The following TNR variants were observed in gnomAD, a reference collection of about 807,000 sequenced individuals.
TNR encodes the protein tenascin R.
TNR carries 45 observed loss-of-function variants against 150.4 expected under a neutral mutation model. That is an observed-to-expected ratio of 0.30 (90% CI 0.24 to 0.38). TNR has a LOEUF of 0.38. Among genes scored for constraint, TNR ranks in the 10% least tolerant of loss-of-function variants. TNR has a pLI of 1.00. For synonymous variants in TNR, 687 were observed against 678.4 expected (o/e 1.01, Z -0.20); for missense variants, 1,544 against 1,759.1 (o/e 0.88, Z 2.19).
chr1:175,567,703 C>T (rs1190490555), intron 1 of TNR, among the ~76,000 whole-genome samples: 1 of 152,178 alleles, frequency 6.6e-6, no homozygotes, highest in East Asian at 1.9e-4. Context: ...GCACAAGCCC[C>T]TCCCTGCTCT....
chr1:175,736,534 T>C (rs1371083877), intron 1 of TNR, among the ~76,000 whole-genome samples: 1 of 149,546 alleles, frequency 6.7e-6, no homozygotes, highest in African/African-American at 2.5e-5. Context: ...AAAAAAAAGA[T>C]GTGATGATCT....
intron 1 of TNR, among the ~76,000 whole-genome samples, chr1:175,713,671 G>A (rs919524754): frequency 6.6e-6 from 1 of 152,160 alleles, no homozygotes; most frequent in African/African-American, 2.4e-5. Flanking sequence ...CAAACCAGCT[G>A]CTGCAGTGAA....
chr1:175,363,923 G>T, intron 12 of TNR, 96 bp from the exon 13 acceptor site: 1 of 1,447,846 alleles, frequency 6.9e-7, no homozygotes, highest in Non-Finnish European at 9.3e-7. Context: ...AGCCAATGTT[G>T]TCCCAAAGGC....
chr1:175,510,354 C>T (rs1248721057), intron 2 of TNR, among the ~76,000 whole-genome samples: 1 of 142,782 alleles, frequency 7.0e-6, no homozygotes, highest in Non-Finnish European at 1.5e-5. Flanking sequence ...CTGTGAAGAC[C>T]TTTGCCCAAA....
chr1:175,475,391 A>G (rs1209133805), intron 2 of TNR, among the ~76,000 whole-genome samples: 1 of 152,198 alleles, frequency 6.6e-6, no homozygotes, highest in Admixed American at 6.5e-5. Context: ...CCCTTTCATG[A>G]GATGACATGT....
At chr1:175,626,222 A>T (rs6690414) in intron 1 of TNR, among the ~76,000 whole-genome samples, 42,793 of 152,080 alleles carry the variant, frequency 0.28, 7,110 homozygotes, top group East Asian at 0.5. Flanking sequence ...GTATGTCTTT[A>T]TCAGCAGTGT....
At chr1:175,351,764 C>T (rs968370281) in intron 18 of TNR, among the ~76,000 whole-genome samples, 1 of 152,212 alleles carries the variant, frequency 6.6e-6, no homozygotes, top group African/African-American at 2.4e-5. Context: ...TCCAGTAAAA[C>T]TGCGAAAGCT....
chr1:175,700,250 G>A (rs1283775850), intron 1 of TNR, among the ~76,000 whole-genome samples: 2 of 151,850 alleles, frequency 1.3e-5, no homozygotes, highest in African/African-American at 2.4e-5. Flanking sequence ...GACACATCCA[G>A]TCATGGCTGA....
Position 175,330,229 on chromosome 1 carries a change from TC to T in TNR, c.3637del (p.Asp1213ThrfsTer45). On this transcript the variant is annotated frameshift_variant, in exon 21 of 23. Coordinates refer to ENST00000367674, the MANE Select transcript of TNR (RefSeq NM_003285.3). LOFTEE classifies it high-confidence loss of function. ...NVEDEFWLGL[D>X]NIHRITSQGR... Reference sequence around the variant, plus strand: ...CTGGGATGTGATCCTGTGTATATTGTCCAGCCCTGTGGAGAAGAGCAGAAAA... The same window carrying T: ...CTGGGATGTGATCCTGTGTATATTGTCAGCCCTGTGGAGAAGAGCAGAAAA... 1 of 1,568,904 alleles carries T rather than the reference TC, an allele frequency of 6.4e-7. No individual in the cohort carries two copies.
chr1:175,700,546 T>G (rs1346347202), intron 1 of TNR, among the ~76,000 whole-genome samples: 1 of 152,196 alleles, frequency 6.6e-6, no homozygotes, highest in Admixed American at 6.5e-5. Context: ...ACTTAACTTC[T>G]GAGAAGTCTC....
chr1:175,710,348 G>C (rs1289121781), intron 1 of TNR, among the ~76,000 whole-genome samples: 1 of 152,138 alleles, frequency 6.6e-6, no homozygotes, highest in Non-Finnish European at 1.5e-5. Context: ...CATGGAGCAG[G>C]CTGTAAAGGG....
intron 1 of TNR, among the ~76,000 whole-genome samples, chr1:175,671,073 T>A (rs1466964277): frequency 6.6e-6 from 1 of 152,020 alleles, no homozygotes; most frequent in Non-Finnish European, 1.5e-5. Flanking sequence ...GAGAGAGTTT[T>A]GAGGGAGGAA....
intron 1 of TNR, among the ~76,000 whole-genome samples, chr1:175,734,849 C>G (rs1233659337): frequency 1.3e-5 from 2 of 152,222 alleles, no homozygotes; most frequent in African/African-American, 4.8e-5. Context: ...GGCAGCTGGG[C>G]TGCGTGTGAG....
intron 1 of TNR, among the ~76,000 whole-genome samples, chr1:175,735,424 C>T (rs1015317593): frequency 1.3e-5 from 2 of 152,214 alleles, no homozygotes; most frequent in South Asian, 2.1e-4. Context: ...GAGGTACTTA[C>T]ACAGGACAAG....
intron 1 of TNR, among the ~76,000 whole-genome samples, chr1:175,668,664 T>C (rs761207723): frequency 2.6e-5 from 4 of 152,124 alleles, no homozygotes; most frequent in Non-Finnish European, 5.9e-5. Flanking sequence ...AGCATAAGAA[T>C]TGCCATTTAT....
rs75037609 is a variant in TNR, at chr1:175,415,335, C to T, written c.-63-8558G>A. Among the ~76,000 whole-genome samples the T allele has an allele frequency of 9.6e-3, 1,468 of 152,220 alleles. 24 individuals are homozygous for T. Among genetic ancestry groups the T allele is most frequent in the African/African-American group, 0.031 (1,298 of 41,538 alleles). ...CTCGGAGCCAGCTCCTCTCCATCAGCGCTGGGCCTTTATTGGGCCTGTCAG... is the reference window on the plus strand; with the variant it reads ...CTCGGAGCCAGCTCCTCTCCATCAGTGCTGGGCCTTTATTGGGCCTGTCAG... On this transcript the variant is annotated intron_variant, in intron 2 of 22. Coordinates refer to ENST00000367674, the MANE Select transcript of TNR (RefSeq NM_003285.3).
intron 12 of TNR, 37 bp downstream of exon 12, chr1:175,364,973 C>A: frequency 6.4e-7 from 1 of 1,566,290 alleles, no homozygotes; most frequent in African/African-American, 1.4e-5. Flanking sequence ...CTGTGAAAAC[C>A]CCTTTCATCA....
chr1:175,498,631 A>T (rs570970090), intron 2 of TNR, among the ~76,000 whole-genome samples: 1 of 152,318 alleles, frequency 6.6e-6, no homozygotes, highest in African/African-American at 2.4e-5. Context: ...TTCCTAGCAT[A>T]GGCAGAAAAG....
At chr1:175,561,223 A>C (rs556218055) in intron 1 of TNR, among the ~76,000 whole-genome samples, 9 of 152,256 alleles carry the variant, frequency 5.9e-5, no homozygotes, top group Admixed American at 5.2e-4. Context: ...ACATAGTATT[A>C]ATATATTGAA....
Sources: allele counts gnomAD v4.1 joint callset (sites outside exome capture counted in the v4.1 genomes callset), GRCh38; gene constraint gnomAD v4.1.1; transcripts MANE v1.5; gene names NCBI Gene and HGNC (gene_info 2026-07-23, HGNC 2026-07-21).